The following FLRT2 variants were observed in gnomAD, a reference collection of about 807,000 sequenced individuals.
FLRT2 encodes fibronectin leucine rich transmembrane protein 2, also known as leucine-rich repeat transmembrane protein FLRT2.
Under a neutral mutation model 40.0 loss-of-function variants are expected in FLRT2, and 15 were observed. That is an observed-to-expected ratio of 0.38 (90% confidence interval 0.25 to 0.58). FLRT2 has a LOEUF of 0.58. Among genes scored for constraint, FLRT2 ranks in the 20% least tolerant of loss-of-function variants. The pLI is 0.71. For synonymous variants in FLRT2, 380 were observed against 336.8 expected (o/e 1.13, Z -1.41); for missense variants, 726 against 840.0 (o/e 0.86, Z 1.68).
chr14:85,602,444 A>G (rs1475172201), intron 1 of FLRT2, among the ~76,000 whole-genome samples: 1 of 152,194 alleles, frequency 6.6e-6, no homozygotes, highest in African/African-American at 2.4e-5. Flanking sequence ...TTATTAAAGC[A>G]CGCTGGAGCT....
chr14:85,591,250 C>T (rs1331576043), intron 1 of FLRT2, among the ~76,000 whole-genome samples: 3 of 152,134 alleles, frequency 2.0e-5, no homozygotes, highest in Non-Finnish European at 4.4e-5. Context: ...ATTTAAAATA[C>T]GGTAAGAAGA....
At chr14:85,531,753 A>T (rs965913705) in intron 1 of FLRT2, among the ~76,000 whole-genome samples, 1 of 152,142 alleles carries the variant, frequency 6.6e-6, no homozygotes, top group Non-Finnish European at 1.5e-5. Context: ...TATTAGTCAC[A>T]TACTGTGGGG....
intron 1 of FLRT2, among the ~76,000 whole-genome samples, chr14:85,561,830 T>C (rs1185544462): frequency 6.6e-6 from 1 of 152,268 alleles, no homozygotes; most frequent in Non-Finnish European, 1.5e-5. Flanking sequence ...GTTCTTTAGA[T>C]AGCCCCGGTC....
intron 1 of FLRT2, among the ~76,000 whole-genome samples, chr14:85,613,625 C>T (rs1892997128): frequency 6.6e-6 from 1 of 152,142 alleles, no homozygotes; most frequent in African/African-American, 2.4e-5. Flanking sequence ...ATCTGAAGGT[C>T]GTTCTTTGAC....
At chr14:85,537,253 A>G (rs1888714637) in intron 1 of FLRT2, among the ~76,000 whole-genome samples, 2 of 152,212 alleles carry the variant, frequency 1.3e-5, no homozygotes, top group African/African-American at 4.8e-5. Context: ...AATTGAAGAC[A>G]AAGTTTACTG....
rs1027073212 is a variant in FLRT2 at position 85,643,699 on chromosome 14, T to A, written c.*20202T>A. The A allele has an allele frequency of 6.6e-6, 1 of 151,680 alleles. No individual in the cohort carries two copies. Among genetic ancestry groups the A allele is most frequent in the African/African-American group, 2.4e-5 (1 of 41,314 alleles). The allele number at this position is 151,680 out of a possible 1,614,324, so 9.4% of individuals were successfully genotyped here. On this transcript the variant is annotated 3_prime_UTR_variant, in exon 2 of 2. Transcript: ENST00000330753. ...TGAGCCATTGCACCTGGCCAGAGGG[T>A]GTTTCTTTAAGGCATTTATTAATGC...
rs1893845887 is a variant in FLRT2 at position 85,630,688 on chromosome 14, G to A, written c.*7191G>A. 6.6e-6 allele frequency: 1 copy of A among 152,006 alleles called. No individual in the cohort carries two copies. Among genetic ancestry groups the A allele is most frequent in the Non-Finnish European group, 1.5e-5 (1 of 68,056 alleles). 9.4% of individuals were successfully genotyped at this position (152,006 alleles called of 1,614,324 possible). ...GCTGGTCTCAAACTCCTGATCTTAG[G>A]TGATCCACCCACCTAGGCCTCCCAA... On this transcript the variant is annotated 3_prime_UTR_variant, in exon 2 of 2. Transcript: ENST00000330753.
chr14:85,612,688 A>G lies in FLRT2; in HGVS notation c.-376-8451A>G, dbSNP rs554821923. Among the ~76,000 whole-genome samples, 4 of 152,328 alleles carry G rather than the reference A, an allele frequency of 2.6e-5. No individual in the cohort carries two copies. The South Asian group carries it at 8.3e-4, about 32-fold the overall frequency. The stretch of plus-strand genomic sequence containing the variant: ...GAACATAGCCTGACACCTCAGCATG[A>G]CAGGTGTTCTGAAGATGAGAAGGCA... On this transcript the variant is annotated intron_variant, in intron 1 of 1. Coordinates refer to ENST00000330753, the MANE Select transcript of FLRT2 (RefSeq NM_013231.6).
chr14:85,575,514 G>C (rs1566735916), intron 1 of FLRT2, among the ~76,000 whole-genome samples: 1 of 152,168 alleles, frequency 6.6e-6, no homozygotes, highest in Non-Finnish European at 1.5e-5. Flanking sequence ...AGTTGTCTGT[G>C]TTGGGTCAGA....
intron 1 of FLRT2, among the ~76,000 whole-genome samples, chr14:85,603,592 AG>A (rs780138615): frequency 6.6e-6 from 1 of 152,132 alleles, no homozygotes; most frequent in African/African-American, 2.4e-5. Flanking sequence ...GATTGAGACC[AG>A]GCACGGTGGC....
At chr14:85,532,122 G>T (rs749199381) in intron 1 of FLRT2, among the ~76,000 whole-genome samples, 1 of 152,260 alleles carries the variant, frequency 6.6e-6, no homozygotes, top group East Asian at 1.9e-4. Context: ...CCTGGGGCGC[G>T]TCCGGAAATC....
intron 1 of FLRT2, among the ~76,000 whole-genome samples, chr14:85,580,685 C>A (rs10150476): frequency 6.6e-6 from 1 of 151,928 alleles, no homozygotes; most frequent in Non-Finnish European, 1.5e-5. Flanking sequence ...GAGCTATCAT[C>A]AGAAAACAGT....
intron 1 of FLRT2, among the ~76,000 whole-genome samples, chr14:85,601,299 C>A (rs1892370807): frequency 1.3e-5 from 2 of 152,178 alleles, no homozygotes; most frequent in African/African-American, 4.8e-5. Flanking sequence ...GACTAGTGGA[C>A]CATTGTTGAG....
Position 85,643,397 on chromosome 14 carries a change from C to CT in FLRT2, c.*19908dup, listed in dbSNP as rs201098749. On this transcript the variant is annotated 3_prime_UTR_variant, in exon 2 of 2. Transcript: ENST00000330753. ...TTCCTTTCTTTCCTTTCTCCTTTTT[C>CT]TTTTTTTTGTTTTGAGACAGGTTCT... 127 of 108,188 alleles carry CT rather than the reference C, an allele frequency of 1.2e-3. 9 individuals carry two copies. The highest frequency in any genetic ancestry group is 5.7e-3 in the East Asian group (18 of 3,164). The allele number at this position is 108,188 out of a possible 1,614,324, so 6.7% of individuals were successfully genotyped here. A position where few individuals can be genotyped will look rare whatever the true frequency, so the allele number is the denominator to read the frequency against.
At chr14:85,596,501 CGTTGTTGTT>C (rs60592534) in intron 1 of FLRT2, among the ~76,000 whole-genome samples, 7 of 151,794 alleles carry the variant, frequency 4.6e-5, no homozygotes, top group East Asian at 1.9e-4. Flanking sequence ...TCTTTGTTGT[CGTTGTTGTT>C]GTTGTTGTTG....
At chr14:85,582,778 T>G (rs533264850) in intron 1 of FLRT2, among the ~76,000 whole-genome samples, 1 of 152,214 alleles carries the variant, frequency 6.6e-6, no homozygotes, top group African/African-American at 2.4e-5. Flanking sequence ...CTGTTTTTAT[T>G]ATTAATTTAG....
rs1201086299 is a variant in FLRT2, at chr14:85,629,037, T to C, written c.*5540T>C. On this transcript the variant is annotated 3_prime_UTR_variant, in exon 2 of 2. Transcript: ENST00000330753. The stretch of plus-strand genomic sequence containing the variant: ...CTTCATCTGATATATTTACTATTCA[T>C]CTACTTTCTACAGCACTATGTTAGG... The C allele has an allele frequency of 1.3e-5, 2 of 152,204 alleles. No individual in the cohort carries two copies. The highest frequency in any genetic ancestry group is 2.4e-5 in the African/African-American group (1 of 41,456). 9.4% of individuals were successfully genotyped at this position (152,204 alleles called of 1,614,324 possible).
Position 85,623,588 on chromosome 14 carries a change from T to C in FLRT2, c.*91T>C, listed in dbSNP as rs1595099943. The C allele has an allele frequency of 1.9e-6, 2 of 1,026,512 alleles. No individual in the cohort carries two copies. The highest frequency in any genetic ancestry group is 2.8e-5 in the Admixed American group (1 of 35,760). 63.6% of individuals were successfully genotyped at this position (1,026,512 alleles called of 1,614,324 possible). A position where few individuals can be genotyped will look rare whatever the true frequency, so the allele number is the denominator to read the frequency against. The stretch of plus-strand genomic sequence containing the variant: ...ATAAAGACACGCAGATTACATTTGA[T>C]AAATGTTACACAGATGCATTTGTGC... On this transcript the variant is annotated 3_prime_UTR_variant, in exon 2 of 2. Coordinates refer to ENST00000330753, the MANE Select transcript of FLRT2 (RefSeq NM_013231.6).
chr14:85,543,232 A>G (rs922892594), intron 1 of FLRT2, among the ~76,000 whole-genome samples: 2 of 152,202 alleles, frequency 1.3e-5, no homozygotes, highest in Non-Finnish European at 2.9e-5. Flanking sequence ...AGCTCCCATT[A>G]TTGGAAATCA....
Sources: gnomAD v4.1 joint callset for allele counts (sites outside exome capture counted in the v4.1 genomes callset) on GRCh38, gnomAD v4.1.1 for gene constraint, MANE v1.5 for transcripts, NCBI Gene and HGNC (gene_info 2026-07-23, HGNC 2026-07-21) for gene names.